Variants in KLC3 observed in about 807,000 individuals in gnomAD.
KLC3 encodes kinesin light chain 2.
In KLC3, 72 loss-of-function variants were observed where a neutral mutation model predicts 62.9. The ratio of observed to expected loss-of-function variants is 1.15; its 90% CI spans 0.95 to 1.39. The LOEUF (loss-of-function observed/expected upper bound fraction) is 1.39, where lower values mean the gene tolerates loss of function less well. KLC3 is among the 40% of genes most tolerant of loss of function. KLC3 has a pLI of 0.00. For synonymous variants in KLC3, 377 were observed against 300.5 expected (o/e 1.25, Z -2.63); for missense variants, 848 against 691.6 (o/e 1.23, Z -2.54).
rs113334094 is a variant in KLC3, at chr19:45,349,399, T to A, written c.970-30T>A. ...CACGTGTCCCACCAATCCTGTATGA[T>A]CCCTCTGACTTGTGACCCCTGGCCC... On this transcript the variant is annotated intron_variant, in intron 7 of 12. Transcript: ENST00000391946. 8.9e-4 allele frequency: 1,404 copies of A among 1,577,134 alleles called. 6 individuals carry two copies. In the African/African-American group the frequency reaches 0.013, roughly 14 times the overall value.
chr19:45,344,194 A>T (rs1599704963), intron 1 of KLC3, among the ~76,000 whole-genome samples: 2 of 133,946 alleles, frequency 1.5e-5, no homozygotes, highest in African/African-American at 5.9e-5. Flanking sequence ...TATTTCTGGG[A>T]GGGTGTGTGT....
At position 45,349,453 on chromosome 19, in the gene KLC3, G is replaced by A; in HGVS notation, c.994G>A (p.Val332Met). The change falls in exon 8 of 13, where the codon GTG becomes ATG. Residue 332 changes from valine (V) to methionine (M), a missense_variant. By Grantham distance (21) the Val-to-Met change is conservative. Coordinates refer to ENST00000391946, the MANE Select transcript of KLC3 (RefSeq NM_177417.3). ...GGTCCTGGGTGCTGACCACCCAGAT[G>A]TGGCCAAGCAGCTCAACAACCTGGC... ...EKVLGADHPDVAKQLNNLALL... is the reference protein window; with the variant it reads ...EKVLGADHPDMAKQLNNLALL... The A allele has an allele frequency of 5.0e-6, 8 of 1,612,332 alleles. No individual in the cohort carries two copies. The highest frequency in any genetic ancestry group is 6.8e-6 in the Non-Finnish European group (8 of 1,178,854).
intron 12 of KLC3, 33 bp downstream of exon 12, chr19:45,351,050 G>A (rs976557090): frequency 3.7e-6 from 6 of 1,613,870 alleles, no homozygotes; most frequent in African/African-American, 1.3e-5. Context: ...AAATAGAGGA[G>A]GCCATGTGGG....
At chr19:45,341,578 T>TGTGTGTGTGTGTGTGCGCGCGCGCGCGC in intron 1 of KLC3, among the ~76,000 whole-genome samples, 2 of 139,800 alleles carry the variant, frequency 1.4e-5, no homozygotes, top group Non-Finnish European at 3.1e-5. Context: ...TGTGTGTGTG[T>TGTGTGTGTGTGTGTGCGCGCGCGCGCGC]GCGCGCGCGC....
intron 1 of KLC3, among the ~76,000 whole-genome samples, 182 bp downstream of exon 1, chr19:45,341,028 G>T (rs1291874647): frequency 6.6e-6 from 1 of 152,104 alleles, no homozygotes; most frequent in African/African-American, 2.4e-5. Flanking sequence ...CCCCACCCCA[G>T]CGCAGGTAAA....
chr19:45,349,722 CTTGGAGCAAGTGTCAGA>C, intron 8 of KLC3, 120 bp downstream of exon 8: 2 of 1,014,602 alleles, frequency 2.0e-6, no homozygotes, highest in Non-Finnish European at 1.4e-6. Flanking sequence ...AGGCCGGGCC[CTTGGAGCAAGTGTCAGA>C]CACAGGAGCT....
chr19:45,346,761 C>T lies in KLC3; in HGVS notation c.476C>T (p.Pro159Leu), dbSNP rs76874841. 78 of 1,580,284 alleles carry T rather than the reference C, an allele frequency of 4.9e-5. No individual in the cohort carries two copies. The African/African-American group carries it at 6.5e-4, about 13-fold the overall frequency. Residue 159 changes from proline to leucine, a missense_variant, in exon 3 of 13, where the codon CCG (proline) becomes CTG (leucine). Coordinates refer to ENST00000391946, the MANE Select transcript of KLC3 (RefSeq NM_177417.3). Reference sequence around the variant, plus strand: ...GGGCAGCTGCGACAGTACGACCCACCGGCGGAGAGCCAGGTGCCACGGGCA... The same window carrying T: ...GGGCAGCTGCGACAGTACGACCCACTGGCGGAGAGCCAGGTGCCACGGGCA... ...FLGQLRQYDP[P>L]AESQQSESPP...
At position 45,346,614 on chromosome 19, in the gene KLC3, G is replaced by A. The variant is rs759646098; in HGVS notation, c.329G>A (p.Arg110Gln). ...AAGCAGCGGCTGCGCTCGCAGGCCC[G>A]GCGGCTGGCCCAGGAGAACGTGTGG... ...AEKQRLRSQARRLAQENVWLR... is the reference protein window; with the variant it reads ...AEKQRLRSQAQRLAQENVWLR... The change falls in exon 3 of 13, where the codon CGG becomes CAG. Residue 110 changes from arginine (R) to glutamine (Q), a missense_variant. By Grantham distance (43) the Arg-to-Gln change is conservative. Transcript: ENST00000391946. 19 of 1,550,810 alleles carry A rather than the reference G, an allele frequency of 1.2e-5. 1 individual carries two copies. The highest frequency in any genetic ancestry group is 1.7e-4 in the Middle Eastern group (1 of 5,826).
In KLC3 at chr19:45,349,705, G is replaced by GCCCCCCAGGCCGGGC; in HGVS notation, c.1143+106_1143+120dup. 6 of 789,686 alleles carry GCCCCCCAGGCCGGGC rather than the reference G, an allele frequency of 7.6e-6. No individual in the cohort carries two copies. In the South Asian group the frequency reaches 1.2e-4, roughly 15 times the overall value. The allele number at this position is 789,686 out of a possible 1,614,324, so 48.9% of individuals were successfully genotyped here. On this transcript the variant is annotated intron_variant, in intron 8 of 12. Coordinates refer to ENST00000391946, the MANE Select transcript of KLC3 (RefSeq NM_177417.3). ...GTGAGCAACGTGAGGGTGGGGGGGGGCCCCCCAGGCCGGGCCCTTGGAGCA... is the reference window on the plus strand; with the variant it reads ...GTGAGCAACGTGAGGGTGGGGGGGGGCCCCCCAGGCCGGGCCCCCCCAGGCCGGGCCCTTGGAGCA...
In KLC3 at chr19:45,349,010, C is replaced by T. The variant is rs1366575136; in HGVS notation, c.969+89C>T. 13 of 1,165,922 alleles carry T rather than the reference C, an allele frequency of 1.1e-5. No individual in the cohort carries two copies. In the South Asian group the frequency reaches 1.4e-4, roughly 13 times the overall value. The allele number at this position is 1,165,922 out of a possible 1,614,324, so 72.2% of individuals were successfully genotyped here. ...TGAGCACGTACATCGTGACCCTGAC[C>T]CTCGGGCCCCTTGCGTTTGGTATTG... On this transcript the variant is annotated intron_variant, in intron 7 of 12. Coordinates refer to ENST00000391946, the MANE Select transcript of KLC3 (RefSeq NM_177417.3).
intron 11 of KLC3, 44 bp from the exon 12 acceptor site, chr19:45,350,910 C>G: frequency 6.3e-7 from 1 of 1,597,850 alleles, no homozygotes; most frequent in Non-Finnish European, 8.6e-7. Flanking sequence ...GGAGGGGGGC[C>G]ACTCCTGGAT....
intron 12 of KLC3, 110 bp from the exon 13 acceptor site, chr19:45,351,170 TGGGGTA>T: frequency 6.3e-7 from 1 of 1,587,314 alleles, no homozygotes; most frequent in Non-Finnish European, 8.6e-7. Context: ...GGGTTTTACT[TGGGGTA>T]GAGGCGAGGG....
At chr19:45,349,812 T>G (rs1471804297) in intron 8 of KLC3, 3 of 553,224 alleles carry the variant, frequency 5.4e-6, no homozygotes, top group Non-Finnish European at 9.5e-6. Context: ...GGACAGCCAG[T>G]GAAGCGGAAG....
At chr19:45,350,048 A>C (rs759045183) in intron 8 of KLC3, 11 of 467,038 alleles carry the variant, frequency 2.4e-5, no homozygotes, top group Non-Finnish European at 4.2e-5. Context: ...TCCCCAGGGC[A>C]GGAAGTAAGG....
At position 45,341,776 on chromosome 19, in the gene KLC3, CGTGTGT is replaced by C. The variant is rs3047585; in HGVS notation, c.-9+951_-9+956del. The stretch of plus-strand genomic sequence containing the variant: ...GTGGAGGTGTGTGAAGCCGTGTGTG[CGTGTGT>C]GTGTGTGTGTGTGTGTGTGTAGAGA... On this transcript the variant is annotated intron_variant, in intron 1 of 12. Transcript: ENST00000391946. Among the ~76,000 whole-genome samples, 364 of 134,912 alleles carry C rather than the reference CGTGTGT, an allele frequency of 2.7e-3. 3 individuals carry two copies. The highest frequency in any genetic ancestry group is 0.013 in the South Asian group (56 of 4,344). The allele number at this position is 134,912 out of a possible 152,430, so 88.5% of individuals were successfully genotyped here. A position where few individuals can be genotyped will look rare whatever the true frequency, so the allele number is the denominator to read the frequency against.
At position 45,347,363 on chromosome 19, in the gene KLC3, AAC is replaced by A. The variant is rs1376054912; in HGVS notation, c.490-82_490-81del. 3.0e-4 allele frequency: 320 copies of A among 1,066,846 alleles called. 2 individuals are homozygous for A. The African/African-American group carries it at 4.8e-3, about 16-fold the overall frequency. The allele number at this position is 1,066,846 out of a possible 1,614,324, so 66.1% of individuals were successfully genotyped here. A position where few individuals can be genotyped will look rare whatever the true frequency, so the allele number is the denominator to read the frequency against. On this transcript the variant is annotated intron_variant, in intron 3 of 12. Transcript: ENST00000391946. Reference sequence around the variant, plus strand: ...CTCAAAAAAAAAAAAAAAACAAAAAAACAAAAACCTGAGATAGAGCCAGGGCC... The same window carrying A: ...CTCAAAAAAAAAAAAAAAACAAAAAAAAAAACCTGAGATAGAGCCAGGGCC...
At chr19:45,349,404 C>G (rs766782480) in intron 7 of KLC3, 25 bp from the exon 8 acceptor site, 1 of 1,585,030 alleles carries the variant, frequency 6.3e-7, no homozygotes, top group Admixed American at 1.8e-5. Flanking sequence ...TATGATCCCT[C>G]TGACTTGTGA....
chr19:45,344,411 G>A (rs1249153775), intron 1 of KLC3, among the ~76,000 whole-genome samples: 3 of 149,482 alleles, frequency 2.0e-5, no homozygotes, highest in African/African-American at 7.4e-5. Flanking sequence ...TAGAGACAGG[G>A]TTTCACCCTG....
Position 45,349,700 on chromosome 19 carries a change from G to GT in KLC3, c.1143+98_1143+99insT. 888 of 878,792 alleles carry GT rather than the reference G, an allele frequency of 1.0e-3. 2 individuals carry two copies. Among genetic ancestry groups the GT allele is most frequent in the Non-Finnish European group, 1.3e-3 (808 of 608,174 alleles). 54.4% of individuals were successfully genotyped at this position (878,792 alleles called of 1,614,324 possible). On this transcript the variant is annotated intron_variant, in intron 8 of 12. Transcript: ENST00000391946. Reference sequence around the variant, plus strand: ...ACAGGGTGAGCAACGTGAGGGTGGGGGGGGGCCCCCCAGGCCGGGCCCTTG... The same window carrying GT: ...ACAGGGTGAGCAACGTGAGGGTGGGGTGGGGGCCCCCCAGGCCGGGCCCTTG...
Sources: gnomAD v4.1 joint callset for allele counts (sites outside exome capture counted in the v4.1 genomes callset) on GRCh38, gnomAD v4.1.1 for gene constraint, MANE v1.5 for transcripts, NCBI Gene and HGNC (gene_info 2026-07-23, HGNC 2026-07-21) for gene names.